Variants in RALY observed in about 807,000 individuals in gnomAD.
The protein encoded by RALY is RNA-binding protein Raly.
RALY carries 15 observed loss-of-function variants against 30.7 expected under a neutral mutation model. The observed-to-expected ratio is 0.49, with a 90% confidence interval of 0.33 to 0.75. RALY has a LOEUF of 0.75. RALY is among the 30% of genes least tolerant of loss of function. The pLI, the probability that RALY is intolerant of heterozygous loss-of-function variation, is 0.02. For missense variants in RALY, 339 were observed against 414.3 expected, an observed-to-expected ratio of 0.82 and a Z score of 1.58; for synonymous variants, 177 against 170.8, an observed-to-expected ratio of 1.04 and a Z score of -0.28.
intron 1 of RALY, among the ~76,000 whole-genome samples, chr20:34,005,505 C>G (rs1203827419): frequency 6.7e-6 from 1 of 149,716 alleles, no homozygotes; most frequent in Non-Finnish European, 1.5e-5. Context: ...GAGACTCTTT[C>G]TCAAAAAAAA....
chr20:34,015,302 CT>C (rs1410432836), intron 1 of RALY, among the ~76,000 whole-genome samples: 1 of 151,888 alleles, frequency 6.6e-6, no homozygotes, highest in African/African-American at 2.4e-5. Flanking sequence ...TCCTTTTTGC[CT>C]TTTATTTTTT....
chr20:34,003,634 GTTTTTTTTTTTT>G (rs775178178), intron 1 of RALY, among the ~76,000 whole-genome samples: 1 of 112,962 alleles, frequency 8.9e-6, no homozygotes. Context: ...ATGCCAAACA[GTTTTTTTTTTTT>G]TTTTTTTTTT....
intron 2 of RALY, among the ~76,000 whole-genome samples, chr20:34,067,817 T>TTTC (rs1491238625): frequency 0.017 from 222 of 13,418 alleles, 1 homozygote; most frequent in African/African-American, 0.087. Flanking sequence ...TTCTTTTTTC[T>TTTC]TTTTTTTTTT....
chr20:34,076,378 T>A (rs1023758458), intron 6 of RALY: 5 of 504,640 alleles, frequency 9.9e-6, no homozygotes, highest in African/African-American at 9.6e-5. Flanking sequence ...CACCCAGGAA[T>A]TCAGATTCCA....
At chr20:34,072,959 T>TGTGA (rs142692706) in intron 3 of RALY, among the ~76,000 whole-genome samples, 1,576 of 148,978 alleles carry the variant, frequency 0.011, 28 homozygotes, top group African/African-American at 0.037. Flanking sequence ...TGTGTGTGTG[T>TGTGA]GAGAGAGAGA....
At chr20:34,037,195 G>A (rs544657688) in intron 2 of RALY, among the ~76,000 whole-genome samples, 22 of 152,328 alleles carry the variant, frequency 1.4e-4, no homozygotes, top group African/African-American at 5.3e-4. Flanking sequence ...GGCCTACAAT[G>A]TATATGTGTT....
At chr20:34,076,638 G>A (rs188527448) in intron 6 of RALY, 64 bp from the exon 7 acceptor site, 11 of 1,386,344 alleles carry the variant, frequency 7.9e-6, no homozygotes, top group Middle Eastern at 1.8e-4. Context: ...CAGGGCTGAG[G>A]TTTTGTGCTA....
chr20:34,079,269 G>A (rs1290344375), intron 9 of RALY, among the ~76,000 whole-genome samples: 1 of 152,178 alleles, frequency 6.6e-6, no homozygotes, highest in Admixed American at 6.5e-5. Flanking sequence ...GACACTAAAG[G>A]GTGCAGGGAG....
intron 2 of RALY, among the ~76,000 whole-genome samples, chr20:34,034,195 C>A (rs889211857): frequency 7.9e-5 from 12 of 152,198 alleles, no homozygotes; most frequent in African/African-American, 2.9e-4. Context: ...GGCTCTTGTG[C>A]TGTAGCCTCA....
chr20:34,005,220 A>G (rs2031103927), intron 1 of RALY, among the ~76,000 whole-genome samples: 1 of 152,076 alleles, frequency 6.6e-6, no homozygotes, highest in Admixed American at 6.6e-5. Flanking sequence ...TTGATTTAAA[A>G]ATCTGATGGG....
At chr20:34,069,347 C>G (rs1358975273) in intron 2 of RALY, among the ~76,000 whole-genome samples, 2 of 152,182 alleles carry the variant, frequency 1.3e-5, no homozygotes, top group Non-Finnish European at 2.9e-5. Flanking sequence ...AAAAACTTGG[C>G]TCACCAGTCA....
chr20:33,998,350 A>G (rs1280368058), intron 1 of RALY, among the ~76,000 whole-genome samples: 3 of 152,176 alleles, frequency 2.0e-5, no homozygotes, highest in African/African-American at 7.2e-5. Context: ...AAGCCAGGAA[A>G]AGAAGAGATC....
Position 34,073,780 on chromosome 20 carries a change from C to T in RALY, c.330-39C>T, listed in dbSNP as rs373732046. On this transcript the variant is annotated intron_variant, in intron 4 of 9. Transcript: ENST00000246194. ...GCCTGTGGAAAGTGGGCTGAGTGGC[C>T]GTCCCTAAGCTCCAGCCCTCTCCCC... 38 of 1,608,178 alleles carry T rather than the reference C, an allele frequency of 2.4e-5. No individual in the cohort carries two copies. In the African/African-American group the frequency reaches 3.9e-4, roughly 16 times the overall value.
rs561511115 is a variant in RALY at position 34,033,696 on chromosome 20, G to A, written c.-10+2092G>A. Among the ~76,000 whole-genome samples the A allele has an allele frequency of 4.0e-4, 61 of 152,222 alleles. No individual in the cohort carries two copies. The South Asian group carries it at 0.011, about 27-fold the overall frequency. On this transcript the variant is annotated intron_variant, in intron 2 of 9. Coordinates refer to ENST00000246194, the MANE Select transcript of RALY (RefSeq NM_016732.3). ...CGATCCAAACCTCCCATTAGGTCCC[G>A]CCTTAAACATTGGGGATCAGATTTC...
At chr20:34,070,819 G>A (rs1331413359) in intron 2 of RALY, among the ~76,000 whole-genome samples, 2 of 152,140 alleles carry the variant, frequency 1.3e-5, no homozygotes, top group Admixed American at 6.5e-5. Flanking sequence ...CTTTGTGTTA[G>A]TCCATTCTTG....
chr20:34,052,981 G>A (rs2123181289), intron 2 of RALY, among the ~76,000 whole-genome samples: 1 of 152,234 alleles, frequency 6.6e-6, no homozygotes, highest in Non-Finnish European at 1.5e-5. Flanking sequence ...GGCATTTAGT[G>A]GGGCTATCCT....
chr20:34,022,180 C>T (rs958580699), intron 1 of RALY, among the ~76,000 whole-genome samples: 2 of 151,230 alleles, frequency 1.3e-5, no homozygotes, highest in South Asian at 2.1e-4. Flanking sequence ...TCTCCTGTCT[C>T]GGCCTGCCAA....
At chr20:34,074,156 G>A (rs2033809202) in intron 5 of RALY, among the ~76,000 whole-genome samples, 1 of 152,198 alleles carries the variant, frequency 6.6e-6, no homozygotes, top group Non-Finnish European at 1.5e-5. Context: ...ATGTAAGTGT[G>A]GCTAGTTGGA....
At chr20:34,036,981 G>A (rs1274784221) in intron 2 of RALY, among the ~76,000 whole-genome samples, 1 of 151,718 alleles carries the variant, frequency 6.6e-6, no homozygotes, top group African/African-American at 2.4e-5. Flanking sequence ...TCTAATTTCT[G>A]CTGCTTTGGG....
Sources: gnomAD v4.1 joint callset for allele counts (sites outside exome capture counted in the v4.1 genomes callset) on GRCh38, gnomAD v4.1.1 for gene constraint, MANE v1.5 for transcripts, NCBI Gene and HGNC (gene_info 2026-07-23, HGNC 2026-07-21) for gene names.